The following RBMS3 variants were observed in gnomAD, a reference collection of about 807,000 sequenced individuals.
The protein encoded by RBMS3 is RNA binding motif single stranded interacting protein 3.
RBMS3 carries 27 observed loss-of-function variants against 66.8 expected under a neutral mutation model. That is an observed-to-expected ratio of 0.40 (90% CI 0.30 to 0.56). The LOEUF is 0.56. Among genes scored for constraint, RBMS3 ranks in the 20% least tolerant of loss-of-function variants. The pLI, the probability that RBMS3 is intolerant of heterozygous loss-of-function variation, is 0.40. For synonymous variants in RBMS3, 188 were observed against 183.0 expected (o/e 1.03, Z -0.22); for missense variants, 513 against 549.5 (o/e 0.93, Z 0.66).
At chr3:29,511,575 A>G (rs994671329) in intron 3 of RBMS3, among the ~76,000 whole-genome samples, 8 of 152,148 alleles carry the variant, frequency 5.3e-5, no homozygotes, top group African/African-American at 1.4e-4. Flanking sequence ...TATTTAGCCC[A>G]ACACTGCCAA....
intron 3 of RBMS3, among the ~76,000 whole-genome samples, chr3:29,563,718 G>T (rs1464135167): frequency 5.9e-5 from 9 of 152,012 alleles, no homozygotes; most frequent in Non-Finnish European, 1.2e-4. Flanking sequence ...TATTATAATT[G>T]GATGTATATT....
rs945149981 is a variant in RBMS3, at chr3:30,009,153, G to A, written c.*5291G>A. The stretch of plus-strand genomic sequence containing the variant: ...ACCACTAGGCCACTGAGTCATACTT[G>A]AGCTTTTCTTACTACTGCCCCAATT... On this transcript the variant is annotated 3_prime_UTR_variant, in exon 15 of 15. Coordinates refer to ENST00000383767, the MANE Select transcript of RBMS3 (RefSeq NM_001003793.3). 2.6e-5 allele frequency: 4 copies of A among 152,040 alleles called. No homozygotes were observed. Among genetic ancestry groups the A allele is most frequent in the African/African-American group, 9.7e-5 (4 of 41,406 alleles). The allele number at this position is 152,040 out of a possible 1,614,324, so 9.4% of individuals were successfully genotyped here.
chr3:29,775,840 A>T (rs893423363), intron 6 of RBMS3, among the ~76,000 whole-genome samples: 3 of 151,956 alleles, frequency 2.0e-5, no homozygotes, highest in Admixed American at 6.6e-5. Context: ...ATAAAATCTT[A>T]AAAAAATTTC....
At chr3:29,698,697 A>G (rs2052390568) in intron 4 of RBMS3, 1 of 773,944 alleles carries the variant, frequency 1.3e-6, no homozygotes, top group South Asian at 5.9e-5. Context: ...TTCTGGAAAG[A>G]CTCTGTGTGG....
At chr3:29,404,073 C>T (rs1210913585) in intron 1 of RBMS3, among the ~76,000 whole-genome samples, 1 of 152,130 alleles carries the variant, frequency 6.6e-6, no homozygotes, top group Non-Finnish European at 1.5e-5. Flanking sequence ...AGCAGTGCTC[C>T]TCAGACTATC....
intron 2 of RBMS3, among the ~76,000 whole-genome samples, chr3:29,472,867 C>T (rs1436519151): frequency 1.3e-5 from 2 of 152,144 alleles, no homozygotes; most frequent in Non-Finnish European, 2.9e-5. Context: ...AAGCGGTTGC[C>T]ATGGCTGGCT....
At chr3:29,830,571 T>C (rs548460169) in intron 6 of RBMS3, among the ~76,000 whole-genome samples, 1 of 152,266 alleles carries the variant, frequency 6.6e-6, no homozygotes, top group South Asian at 2.1e-4. Flanking sequence ...GTATGTAATA[T>C]AGAGATACAG....
intron 4 of RBMS3, among the ~76,000 whole-genome samples, chr3:29,635,613 C>A (rs2049445555): frequency 6.6e-6 from 1 of 151,808 alleles, no homozygotes; most frequent in African/African-American, 2.4e-5. Flanking sequence ...GCAGAGACAT[C>A]CTTTTAAACT....
chr3:29,517,321 T>TTG (rs2044677992), intron 3 of RBMS3, among the ~76,000 whole-genome samples: 4 of 111,592 alleles, frequency 3.6e-5, no homozygotes, highest in South Asian at 5.9e-4. Context: ...ATATATATAT[T>TTG]TTTTTTTTGT....
intron 6 of RBMS3, among the ~76,000 whole-genome samples, chr3:29,849,067 A>G (rs1303368067): frequency 1.3e-5 from 2 of 152,150 alleles, no homozygotes; most frequent in African/African-American, 4.8e-5. Flanking sequence ...TACTACTAAA[A>G]TAATATCAGA....
chr3:29,429,498 C>A (rs914294099), intron 1 of RBMS3, among the ~76,000 whole-genome samples: 3 of 152,108 alleles, frequency 2.0e-5, no homozygotes, highest in Admixed American at 6.5e-5. Context: ...GCATACTAAC[C>A]AAGCATATGC....
At position 29,855,947 on chromosome 3, in the gene RBMS3, A is replaced by T. The variant is rs973156417; in HGVS notation, c.638-12911A>T. 5.9e-5 allele frequency among the ~76,000 whole-genome samples: 9 copies of T among 152,304 alleles called. No homozygotes were observed. The East Asian group carries it at 1.7e-3, about 29-fold the overall frequency. On this transcript the variant is annotated intron_variant, in intron 6 of 14. Coordinates refer to ENST00000383767, the MANE Select transcript of RBMS3 (RefSeq NM_001003793.3). ...AATGCAGAGACCCTATACTCGAGAGACATTTAAATTGTTAAAAAAAGGCAT... is the reference window on the plus strand; with the variant it reads ...AATGCAGAGACCCTATACTCGAGAGTCATTTAAATTGTTAAAAAAAGGCAT...
intron 1 of RBMS3, among the ~76,000 whole-genome samples, chr3:29,323,492 G>T (rs1465466441): frequency 6.6e-6 from 1 of 152,016 alleles, no homozygotes; most frequent in Non-Finnish European, 1.5e-5. Context: ...TTAAATCTAT[G>T]TTATTTATAT....
At chr3:29,310,402 A>G (rs1424957748) in intron 1 of RBMS3, among the ~76,000 whole-genome samples, 1 of 151,742 alleles carries the variant, frequency 6.6e-6, no homozygotes, top group East Asian at 1.9e-4. Flanking sequence ...ATTTTGAAAC[A>G]CAAGAGACTG....
intron 14 of RBMS3, among the ~76,000 whole-genome samples, chr3:29,999,744 A>G (rs1390494019): frequency 7.0e-6 from 1 of 143,448 alleles, no homozygotes; most frequent in Non-Finnish European, 1.5e-5. Context: ...AACATCACAC[A>G]CCGGGGACTG....
At chr3:29,380,071 A>G (rs1236745374) in intron 1 of RBMS3, among the ~76,000 whole-genome samples, 2 of 152,136 alleles carry the variant, frequency 1.3e-5, no homozygotes, top group Non-Finnish European at 2.9e-5. Context: ...AGGATTTGCA[A>G]GAAGAGAAAA....
chr3:29,623,660 T>A, intron 4 of RBMS3, among the ~76,000 whole-genome samples: 1 of 151,788 alleles, frequency 6.6e-6, no homozygotes, highest in East Asian at 1.9e-4. Flanking sequence ...ACATTTTGAG[T>A]TACACAAACA....
At chr3:29,785,791 A>G (rs1250015099) in intron 6 of RBMS3, among the ~76,000 whole-genome samples, 1 of 151,910 alleles carries the variant, frequency 6.6e-6, no homozygotes, top group Admixed American at 6.6e-5. Flanking sequence ...CAAGAGAAGG[A>G]CTCCCAGTTT....
intron 4 of RBMS3, among the ~76,000 whole-genome samples, chr3:29,618,335 A>G (rs1303441758): frequency 6.6e-6 from 1 of 152,018 alleles, no homozygotes; most frequent in Non-Finnish European, 1.5e-5. Flanking sequence ...TCTCTACTAC[A>G]TCTCTACCAA....
Sources: allele counts gnomAD v4.1 joint callset (sites outside exome capture counted in the v4.1 genomes callset), GRCh38; gene constraint gnomAD v4.1.1; transcripts MANE v1.5; gene names NCBI Gene and HGNC (gene_info 2026-07-23, HGNC 2026-07-21).